The following BORCS5 variants were observed in gnomAD, a reference collection of about 807,000 sequenced individuals.
BORCS5 encodes BLOC-1-related complex subunit 5.
Under a neutral mutation model 22.1 loss-of-function variants are expected in BORCS5, and 17 were observed. The observed-to-expected ratio is 0.77, with a 90% CI of 0.53 to 1.15. BORCS5 has a LOEUF of 1.15. BORCS5 is among the 50% of genes most tolerant of loss of function. BORCS5 has a pLI of 0.00. For synonymous variants in BORCS5, 117 were observed against 99.8 expected, an observed-to-expected ratio of 1.17 and a Z score of -1.03; for missense variants, 247 against 253.2, an observed-to-expected ratio of 0.98 and a Z score of 0.17.
intron 2 of BORCS5, among the ~76,000 whole-genome samples, chr12:12,366,866 A>T (rs113016585): frequency 3.7e-4 from 57 of 152,228 alleles, no homozygotes; most frequent in African/African-American, 1.1e-3. Context: ...ATTCTTTCCA[A>T]CCGATCTGTC....
At chr12:12,391,215 C>A (rs1475566294) in intron 2 of BORCS5, among the ~76,000 whole-genome samples, 2 of 152,036 alleles carry the variant, frequency 1.3e-5, no homozygotes, top group Non-Finnish European at 2.9e-5. Flanking sequence ...AAGATCATAT[C>A]ACTTAGCTTG....
chr12:12,387,483 C>T (rs1006108091), intron 2 of BORCS5, among the ~76,000 whole-genome samples: 2 of 151,456 alleles, frequency 1.3e-5, no homozygotes, highest in African/African-American at 4.9e-5. Flanking sequence ...TTATTCTGAT[C>T]ATGAAAGTAA....
At chr12:12,370,346 A>T (rs1029899738) in intron 2 of BORCS5, among the ~76,000 whole-genome samples, 1 of 152,078 alleles carries the variant, frequency 6.6e-6, no homozygotes, top group Non-Finnish European at 1.5e-5. Context: ...GTTTTTATCT[A>T]TCTGAACTTT....
chr12:12,422,880 TG>T (rs1942172868), intron 2 of BORCS5, among the ~76,000 whole-genome samples: 1 of 151,860 alleles, frequency 6.6e-6, no homozygotes. Context: ...TTTTTTTTAA[TG>T]TATCAGTCTC....
rs368758152 is a variant in BORCS5, at chr12:12,358,109, G to A, written c.58+600G>A. On this transcript the variant is annotated intron_variant, in intron 1 of 3. Transcript: ENST00000314565. The stretch of plus-strand genomic sequence containing the variant: ...TTCTCTAAGCGTTTGAGACAAGAAT[G>A]GGAGGATTATTGTGTTTGCAATACA... Among the ~76,000 whole-genome samples the A allele has an allele frequency of 2.0e-5, 3 of 152,200 alleles. No homozygotes were observed. The East Asian group carries it at 5.8e-4, about 29-fold the overall frequency.
intron 2 of BORCS5, among the ~76,000 whole-genome samples, chr12:12,416,372 G>T (rs2136097320): frequency 6.6e-6 from 1 of 151,604 alleles, no homozygotes; most frequent in East Asian, 1.9e-4. Context: ...CTAACTTTGG[G>T]TTTAGTTTGT....
Position 12,413,583 on chromosome 12 carries a change from A to G in BORCS5, c.203-22045A>G, listed in dbSNP as rs531688710. On this transcript the variant is annotated intron_variant, in intron 2 of 3. Transcript: ENST00000314565. ...CCATTGTCATCATGGCCCATCCCCAATGAGCCGCTGGGCACACCTCCCAGA... is the reference window on the plus strand; with the variant it reads ...CCATTGTCATCATGGCCCATCCCCAGTGAGCCGCTGGGCACACCTCCCAGA... Among the ~76,000 whole-genome samples the G allele has an allele frequency of 5.3e-3, 748 of 141,654 alleles. 14 individuals carry two copies. Among genetic ancestry groups the G allele is most frequent in the African/African-American group, 0.017 (620 of 36,740 alleles). 92.9% of individuals were successfully genotyped at this position (141,654 alleles called of 152,430 possible). A position where few individuals can be genotyped will look rare whatever the true frequency, so the allele number is the denominator to read the frequency against.
At chr12:12,395,485 C>T (rs1448321548) in intron 2 of BORCS5, among the ~76,000 whole-genome samples, 1 of 142,874 alleles carries the variant, frequency 7.0e-6, no homozygotes, top group East Asian at 2.0e-4. Context: ...TGGGGTTTCA[C>T]CATGTTGGCC....
At chr12:12,361,645 A>G (rs1004405517) in intron 2 of BORCS5, among the ~76,000 whole-genome samples, 1 of 152,158 alleles carries the variant, frequency 6.6e-6, no homozygotes, top group African/African-American at 2.4e-5. Flanking sequence ...TCTTTTGCTC[A>G]CTGTTGAATT....
At chr12:12,363,093 C>A (rs1350511925) in intron 2 of BORCS5, among the ~76,000 whole-genome samples, 1 of 151,816 alleles carries the variant, frequency 6.6e-6, no homozygotes, top group Admixed American at 6.6e-5. Context: ...TCCAACAGTT[C>A]AAGACCAGCC....
intron 2 of BORCS5, among the ~76,000 whole-genome samples, chr12:12,415,137 C>G (rs1439834635): frequency 6.6e-6 from 1 of 151,692 alleles, no homozygotes; most frequent in African/African-American, 2.4e-5. Flanking sequence ...CCTCACTTCC[C>G]AGACGGGGTG....
At chr12:12,391,016 G>T (rs1036840664) in intron 2 of BORCS5, among the ~76,000 whole-genome samples, 1 of 152,096 alleles carries the variant, frequency 6.6e-6, no homozygotes, top group Non-Finnish European at 1.5e-5. Context: ...GAGGGGCCAT[G>T]ATTTCAAAAT....
At chr12:12,415,928 A>G (rs1156579711) in intron 2 of BORCS5, among the ~76,000 whole-genome samples, 1 of 152,140 alleles carries the variant, frequency 6.6e-6, no homozygotes, top group Non-Finnish European at 1.5e-5. Context: ...TGGTTGGTGG[A>G]ACTCACCTGT....
chr12:12,452,994 C>T (rs1281914386), intron 3 of BORCS5, among the ~76,000 whole-genome samples: 2 of 152,082 alleles, frequency 1.3e-5, no homozygotes, highest in Non-Finnish European at 2.9e-5. Flanking sequence ...TCCTACTCTT[C>T]GGAGTGGAGA....
intron 3 of BORCS5, among the ~76,000 whole-genome samples, chr12:12,445,078 C>T (rs988132200): frequency 6.6e-6 from 1 of 152,230 alleles, no homozygotes; most frequent in Non-Finnish European, 1.5e-5. Flanking sequence ...TGGTCTCCTT[C>T]TGTTGCCCAG....
chr12:12,365,476 G>C (rs565417001), intron 2 of BORCS5, among the ~76,000 whole-genome samples: 1 of 151,450 alleles, frequency 6.6e-6, no homozygotes, highest in Non-Finnish European at 1.5e-5. Flanking sequence ...CACCATGCCC[G>C]GCCCGAGTTT....
chr12:12,428,453 G>T (rs4763826), intron 2 of BORCS5, among the ~76,000 whole-genome samples: 1 of 151,970 alleles, frequency 6.6e-6, no homozygotes, highest in Admixed American at 6.5e-5. Context: ...TTTAAACAGG[G>T]TCTTAGGAAA....
At chr12:12,404,004 A>G (rs1396664742) in intron 2 of BORCS5, among the ~76,000 whole-genome samples, 18 of 152,204 alleles carry the variant, frequency 1.2e-4, no homozygotes, top group Non-Finnish European at 2.6e-4. Flanking sequence ...ACTCTTCAAA[A>G]GGCTGAAGGC....
intron 2 of BORCS5, among the ~76,000 whole-genome samples, chr12:12,385,743 C>T (rs976620727): frequency 2.6e-5 from 4 of 151,106 alleles, no homozygotes; most frequent in Non-Finnish European, 4.4e-5. Flanking sequence ...CTCCTGACCT[C>T]GTGATCCGCC....
Sources: allele counts gnomAD v4.1 joint callset (sites outside exome capture counted in the v4.1 genomes callset), GRCh38; gene constraint gnomAD v4.1.1; transcripts MANE v1.5; gene names NCBI Gene and HGNC (gene_info 2026-07-23, HGNC 2026-07-21).